Variants in GNA13 observed in about 807,000 individuals in gnomAD.
GNA13 encodes G protein subunit alpha 13.
GNA13 carries 4 observed loss-of-function variants against 33.5 expected under a neutral mutation model. The observed-to-expected ratio is 0.12, with a 90% CI of 0.06 to 0.27. The LOEUF is 0.27. Ranked by LOEUF, GNA13 falls within the 10% of genes least tolerant of loss-of-function variation. GNA13 has a pLI of 1.00. For missense variants in GNA13, 319 were observed against 487.2 expected (o/e 0.65, Z 3.25); for synonymous variants, 176 against 183.8 (o/e 0.96, Z 0.34).
At chr17:65,046,819 G>A (rs985852421) in intron 2 of GNA13, among the ~76,000 whole-genome samples, 3 of 152,160 alleles carry the variant, frequency 2.0e-5, no homozygotes. Context: ...CATTTTCAGA[G>A]AATCATAAAT....
chr17:65,051,533 T>C (rs1386068146), intron 2 of GNA13, among the ~76,000 whole-genome samples: 1 of 152,078 alleles, frequency 6.6e-6, no homozygotes, highest in Non-Finnish European at 1.5e-5. Flanking sequence ...GAGAATCGCC[T>C]GAACCCAGGA....
At position 65,014,876 on chromosome 17, in the gene GNA13, G is replaced by A. The variant is rs774251960; in HGVS notation, c.562-47C>T. ...TTATACCTATTAATCCCGAAGTAAT[G>A]CGAATTTTTAATGGACTACTAACTG... On this transcript the variant is annotated intron_variant, in intron 3 of 3. Coordinates refer to ENST00000439174, the MANE Select transcript of GNA13 (RefSeq NM_006572.6). The surrounding 1 kb of genome is among the most constrained non-coding windows in gnomAD (Gnocchi z 5.3). 1.1e-5 allele frequency: 13 copies of A among 1,199,452 alleles called. No individual in the cohort carries two copies. The highest frequency in any genetic ancestry group is 1.4e-5 in the Non-Finnish European group (12 of 833,996). 74.3% of individuals were successfully genotyped at this position (1,199,452 alleles called of 1,614,324 possible). A position where few individuals can be genotyped will look rare whatever the true frequency, so the allele number is the denominator to read the frequency against.
In GNA13 at chr17:65,053,733, G is replaced by T; in HGVS notation, c.284-5C>A. 1 of 1,580,530 alleles carries T rather than the reference G, an allele frequency of 6.3e-7. No homozygotes were observed. The highest frequency in any genetic ancestry group is 8.7e-7 in the Non-Finnish European group (1 of 1,153,566). ...CATCAACCAGCACCCTCATACCTTT[G>T]TTTAAAAAGAAGAAAAAAAATGTAT... On this transcript the variant is annotated splice_region_variant and splice_polypyrimidine_tract_variant and intron_variant, in intron 1 of 3. Coordinates refer to ENST00000439174, the MANE Select transcript of GNA13 (RefSeq NM_006572.6).
chr17:65,055,704 T>C (rs1908024279), intron 1 of GNA13: 1 of 985,362 alleles, frequency 1.0e-6, no homozygotes, highest in African/African-American at 1.7e-5. Context: ...TCAAGTTTCA[T>C]ATTCTCGCCC....
intron 2 of GNA13, among the ~76,000 whole-genome samples, chr17:65,046,222 G>A (rs554638398): frequency 1.3e-5 from 2 of 152,124 alleles, no homozygotes; most frequent in East Asian, 1.9e-4. Context: ...GTTATAAAAC[G>A]TAAGATATTA....
intron 2 of GNA13, among the ~76,000 whole-genome samples, chr17:65,024,554 A>G (rs1274740888): frequency 6.6e-6 from 1 of 152,244 alleles, no homozygotes; most frequent in Non-Finnish European, 1.5e-5. Context: ...GCAGTGCCTA[A>G]AATATTATAC....
At chr17:65,045,147 G>T (rs1907614193) in intron 2 of GNA13, among the ~76,000 whole-genome samples, 1 of 152,016 alleles carries the variant, frequency 6.6e-6, no homozygotes, top group Non-Finnish European at 1.5e-5. Context: ...CACTAAAGAT[G>T]GCACTGTCCT....
At position 65,011,270 on chromosome 17, in the gene GNA13, T is replaced by G. The variant is rs569135091; in HGVS notation, c.*2987A>C. 5.0e-6 allele frequency: 1 copy of G among 198,992 alleles called. No homozygotes were observed. Among genetic ancestry groups the G allele is most frequent in the African/African-American group, 2.3e-5 (1 of 43,558 alleles). The allele number at this position is 198,992 out of a possible 1,614,324, so 12.3% of individuals were successfully genotyped here. On this transcript the variant is annotated 3_prime_UTR_variant, in exon 4 of 4. Transcript: ENST00000439174. ...CCTAAACAGCCTCAATTTGAGAGAC[T>G]AACCAGAGGACCTTCTCTATGCAAA...
At chr17:65,035,972 T>C (rs550405884) in intron 2 of GNA13, among the ~76,000 whole-genome samples, 5 of 152,308 alleles carry the variant, frequency 3.3e-5, no homozygotes, top group Non-Finnish European at 7.4e-5. Context: ...AGGTGGAAAA[T>C]TCTGCTGTGA....
intron 2 of GNA13, among the ~76,000 whole-genome samples, chr17:65,024,166 T>C (rs532284235): frequency 6.6e-6 from 1 of 152,184 alleles, no homozygotes; most frequent in African/African-American, 2.4e-5. Context: ...GGTAGGATCA[T>C]CACCTGAGCC....
At chr17:65,025,797 A>G (rs1906756994) in intron 2 of GNA13, among the ~76,000 whole-genome samples, 1 of 135,778 alleles carries the variant, frequency 7.4e-6, no homozygotes, top group Admixed American at 7.9e-5. Flanking sequence ...CCTAGAACAC[A>G]TAGAGAGATC....
chr17:65,039,605 C>T (rs1907384132), intron 2 of GNA13, among the ~76,000 whole-genome samples: 2 of 152,234 alleles, frequency 1.3e-5, no homozygotes. Flanking sequence ...CTTCCCCCTC[C>T]TTTCCTGGAG....
intron 2 of GNA13, among the ~76,000 whole-genome samples, chr17:65,027,691 A>G (rs1906844318): frequency 6.6e-6 from 1 of 152,246 alleles, no homozygotes. Context: ...AGTATCACAG[A>G]ATTGGACTCT....
At chr17:65,035,682 A>T (rs1350724219) in intron 2 of GNA13, among the ~76,000 whole-genome samples, 1 of 152,176 alleles carries the variant, frequency 6.6e-6, no homozygotes, top group Non-Finnish European at 1.5e-5. Context: ...AAAATCCCTC[A>T]AGGTTAAAAT....
In GNA13 at chr17:65,012,469, C is replaced by A; in HGVS notation, c.*1788G>T. ...AACACGCATGAATGATACCATGATA[C>A]CACGAACATGCACGATACCATGAAC... On this transcript the variant is annotated 3_prime_UTR_variant, in exon 4 of 4. Coordinates refer to ENST00000439174, the MANE Select transcript of GNA13 (RefSeq NM_006572.6). The A allele has an allele frequency of 4.5e-6, 1 of 219,958 alleles. No individual in the cohort carries two copies. Among genetic ancestry groups the A allele is most frequent in the Non-Finnish European group, 9.1e-6 (1 of 109,688 alleles). The allele number at this position is 219,958 out of a possible 1,614,324, so 13.6% of individuals were successfully genotyped here.
At position 65,053,971 on chromosome 17, in the gene GNA13, G is replaced by C. The variant is rs552699619; in HGVS notation, c.284-243C>G. On this transcript the variant is annotated intron_variant, in intron 1 of 3. Coordinates refer to ENST00000439174, the MANE Select transcript of GNA13 (RefSeq NM_006572.6). ...TATTAGCACAATTCCTCTCTCTGAA[G>C]GATTTTTAACATGTTCCAATTTATA... Among the ~76,000 whole-genome samples, 270 of 152,216 alleles carry C rather than the reference G, an allele frequency of 1.8e-3. 2 individuals carry two copies. Among genetic ancestry groups the C allele is most frequent in the African/African-American group, 6.1e-3 (255 of 41,520 alleles).
At chr17:65,027,146 A>G (rs774773067) in intron 2 of GNA13, among the ~76,000 whole-genome samples, 4 of 152,130 alleles carry the variant, frequency 2.6e-5, no homozygotes, top group African/African-American at 9.7e-5. Context: ...TTTTATGAAA[A>G]TCTAGTTTAC....
chr17:65,033,932 G>C (rs1188889330), intron 2 of GNA13, among the ~76,000 whole-genome samples: 2 of 133,602 alleles, frequency 1.5e-5, no homozygotes, highest in Non-Finnish European at 3.1e-5. Context: ...AGAATCACTT[G>C]AACTCAGGAG....
intron 2 of GNA13, among the ~76,000 whole-genome samples, chr17:65,028,679 A>G (rs1054130748): frequency 1.3e-5 from 2 of 152,260 alleles, no homozygotes; most frequent in Admixed American, 1.3e-4. Flanking sequence ...CTAGGATGAT[A>G]GCGCCACAAC....
Sources: allele counts gnomAD v4.1 joint callset (sites outside exome capture counted in the v4.1 genomes callset), GRCh38; gene constraint gnomAD v4.1.1; non-coding constraint Gnocchi (gnomAD v3.1); transcripts MANE v1.5; gene names NCBI Gene and HGNC (gene_info 2026-07-23, HGNC 2026-07-21).